XKR9: variants seen among roughly 807,000 people sequenced by gnomAD.
The protein encoded by XKR9 is XK-related protein 9.
A neutral mutation model predicts 32.0 loss-of-function variants in XKR9; 32 were observed. The observed-to-expected ratio is 1.00, with a 90% CI of 0.76 to 1.34. The LOEUF is 1.34. Ranked by LOEUF, XKR9 falls within the 40% of genes most tolerant of loss-of-function variation. The probability of loss-of-function intolerance (pLI) is 0.00; values close to 1 mark genes in which losing one functional copy is unlikely to be tolerated. For missense variants in XKR9, 546 were observed against 429.7 expected, an observed-to-expected ratio of 1.27 and a Z score of -2.39; for synonymous variants, 168 against 143.4, an observed-to-expected ratio of 1.17 and a Z score of -1.22.
chr8:70,819,225 C>T, the XKR9 span, among the ~76,000 whole-genome samples: 1 of 152,228 alleles, frequency 6.6e-6, no homozygotes, highest in African/African-American at 2.4e-5. Context: ...TTGTGTCTAA[C>T]TTATTGATAA....
At chr8:70,742,965 A>G (rs1586878968) in intron 2 of XKR9, among the ~76,000 whole-genome samples, 1 of 151,826 alleles carries the variant, frequency 6.6e-6, no homozygotes, top group Non-Finnish European at 1.5e-5. Context: ...TTTGTCTTCT[A>G]TTATATTTAG....
In XKR9 at chr8:70,731,563, G is replaced by A. The variant is rs548692311; in HGVS notation, c.494-2233G>A. On this transcript the variant is annotated intron_variant, in intron 4 of 4. Coordinates refer to ENST00000408926, the MANE Select transcript of XKR9 (RefSeq NM_001011720.2). ...ACATTTTCCGTCTAGCAAAATACAC[G>A]TAACAAAACAAGACACCAGTCACCT... 1.2e-3 allele frequency among the ~76,000 whole-genome samples: 185 copies of A among 152,258 alleles called. 1 individual carries two copies. The highest frequency in any genetic ancestry group is 4.2e-3 in the African/African-American group (174 of 41,546).
the XKR9 span, among the ~76,000 whole-genome samples, chr8:71,003,520 C>G: frequency 6.6e-6 from 1 of 151,960 alleles, no homozygotes; most frequent in African/African-American, 2.4e-5. Context: ...AGTAATGGAT[C>G]TAAGACCTAA....
the XKR9 span, among the ~76,000 whole-genome samples, chr8:70,854,497 C>A: frequency 3.1e-4 from 47 of 152,258 alleles, no homozygotes; most frequent in African/African-American, 1.1e-3. Flanking sequence ...ATGGTAGTTT[C>A]TTTTGCTGGG....
chr8:71,013,653 G>T, the XKR9 span, among the ~76,000 whole-genome samples: 1 of 152,214 alleles, frequency 6.6e-6, no homozygotes, highest in Admixed American at 6.5e-5. Flanking sequence ...GTGTGTTGCA[G>T]AATGTCAGCT....
the XKR9 span, among the ~76,000 whole-genome samples, chr8:70,891,112 T>C: frequency 6.6e-6 from 1 of 151,958 alleles, no homozygotes; most frequent in Non-Finnish European, 1.5e-5. Flanking sequence ...TAATGAGATT[T>C]TGTATTTCTG....
At chr8:70,675,720 A>G (rs1167135117) in intron 2 of XKR9, among the ~76,000 whole-genome samples, 2 of 152,154 alleles carry the variant, frequency 1.3e-5, no homozygotes, top group South Asian at 2.1e-4. Context: ...GAGGCATAAC[A>G]TGGGTGATCT....
the XKR9 span, among the ~76,000 whole-genome samples, chr8:70,846,538 A>G: frequency 5.8e-4 from 88 of 152,158 alleles, no homozygotes; most frequent in African/African-American, 2.0e-3. Context: ...TCAATAAACA[A>G]CCTTGAATGT....
intron 4 of XKR9, among the ~76,000 whole-genome samples, chr8:70,729,424 T>G (rs1202388254): frequency 1.3e-5 from 2 of 152,164 alleles, no homozygotes; most frequent in Non-Finnish European, 2.9e-5. Context: ...ATAGTTCAGT[T>G]AACTCCTGTT....
At chr8:70,725,064 G>A (rs1282790383) in intron 4 of XKR9, among the ~76,000 whole-genome samples, 1 of 152,164 alleles carries the variant, frequency 6.6e-6, no homozygotes, top group East Asian at 1.9e-4. Flanking sequence ...GAAGAAAAAT[G>A]AGAGCAAAGT....
In XKR9 at chr8:70,693,811, T is replaced by C. The variant is rs117197679; in HGVS notation, c.272+12481T>C. 5.8e-3 allele frequency among the ~76,000 whole-genome samples: 881 copies of C among 152,246 alleles called. 3 individuals are homozygous for C. The highest frequency in any genetic ancestry group is 9.5e-3 in the Non-Finnish European group (643 of 68,004). On this transcript the variant is annotated intron_variant, in intron 3 of 4. Coordinates refer to ENST00000408926, the MANE Select transcript of XKR9 (RefSeq NM_001011720.2). Reference sequence around the variant, plus strand: ...TTCTCCTTAGGTTGACTGCAGCTCATTGGAGGTGTGGATAAGGCACTTGGG... The same window carrying C: ...TTCTCCTTAGGTTGACTGCAGCTCACTGGAGGTGTGGATAAGGCACTTGGG...
At chr8:70,875,186 A>AT in the XKR9 span, among the ~76,000 whole-genome samples, 44 of 152,046 alleles carry the variant, frequency 2.9e-4, 1 homozygote, top group Non-Finnish European at 1.5e-4. Flanking sequence ...TCGTGTACAC[A>AT]TTTTCCCCTA....
At chr8:71,061,286 G>A in the XKR9 span, among the ~76,000 whole-genome samples, 1 of 152,044 alleles carries the variant, frequency 6.6e-6, no homozygotes, top group African/African-American at 2.4e-5. Flanking sequence ...GACAGAAGTG[G>A]CCCTGCCATC....
At chr8:70,958,673 T>C in the XKR9 span, among the ~76,000 whole-genome samples, 1 of 152,228 alleles carries the variant, frequency 6.6e-6, no homozygotes, top group Non-Finnish European at 1.5e-5. Context: ...TAGTTTCTTT[T>C]GCTGTGCAGA....
At chr8:70,811,070 C>T in the XKR9 span, among the ~76,000 whole-genome samples, 2 of 152,178 alleles carry the variant, frequency 1.3e-5, no homozygotes, top group Admixed American at 6.5e-5. Flanking sequence ...TGTAAAAGAA[C>T]AGAAATTATA....
At chr8:70,787,676 A>T (rs1563480762) in intron 2 of XKR9, among the ~76,000 whole-genome samples, 1 of 152,132 alleles carries the variant, frequency 6.6e-6, no homozygotes, top group Non-Finnish European at 1.5e-5. Context: ...GGTCCATTTT[A>T]TGCAGCTAGC....
chr8:70,758,448 TG>T (rs1271398711), intron 2 of XKR9, among the ~76,000 whole-genome samples: 1 of 152,230 alleles, frequency 6.6e-6, no homozygotes, highest in Admixed American at 6.5e-5. Flanking sequence ...GTATAATATT[TG>T]TTTTTATGTT....
the XKR9 span, among the ~76,000 whole-genome samples, chr8:71,047,244 T>C: frequency 6.6e-6 from 1 of 152,226 alleles, no homozygotes; most frequent in Admixed American, 6.5e-5. Flanking sequence ...CTAAAGATTC[T>C]AGTGTCCTGT....
chr8:70,823,796 G>T, the XKR9 span, among the ~76,000 whole-genome samples: 29 of 152,224 alleles, frequency 1.9e-4, no homozygotes, highest in Non-Finnish European at 3.7e-4. Context: ...GGGGAATCAA[G>T]AGGAACCAGA....
Sources: allele counts gnomAD v4.1 joint callset (sites outside exome capture counted in the v4.1 genomes callset), GRCh38; gene constraint gnomAD v4.1.1; transcripts MANE v1.5; gene names NCBI Gene and HGNC (gene_info 2026-07-23, HGNC 2026-07-21).